The following SLAMF6 variants were observed in gnomAD, a reference collection of about 807,000 sequenced individuals.
SLAMF6 encodes SLAM family member 6, also known as NK-T-B-antigen.
SLAMF6 carries 21 observed loss-of-function variants against 38.3 expected under a neutral mutation model. That is an observed-to-expected ratio of 0.55 (90% CI 0.39 to 0.79). SLAMF6 has a LOEUF of 0.79. SLAMF6 is among the 30% of genes least tolerant of loss of function. The pLI is 0.00. For synonymous variants in SLAMF6, 152 were observed against 146.3 expected, an observed-to-expected ratio of 1.04 and a Z score of -0.28; for missense variants, 341 against 385.3, an observed-to-expected ratio of 0.89 and a Z score of 0.96.
intron 4 of SLAMF6, 104 bp downstream of exon 4, chr1:160,490,471 T>C: frequency 1.3e-6 from 2 of 1,487,188 alleles, no homozygotes; most frequent in Non-Finnish European, 1.8e-6. Context: ...GCAGCCTCCC[T>C]CCCTCCTCCT....
intron 5 of SLAMF6, among the ~76,000 whole-genome samples, chr1:160,489,897 G>C (rs549453801): frequency 3.9e-5 from 6 of 152,242 alleles, no homozygotes; most frequent in African/African-American, 1.4e-4. Context: ...CCTGTGCCCT[G>C]GACTTGCTGG....
intron 2 of SLAMF6, 58 bp from the exon 3 acceptor site, chr1:160,491,446 T>C (rs971439083): frequency 1.9e-6 from 3 of 1,565,198 alleles, no homozygotes; most frequent in African/African-American, 2.7e-5. Flanking sequence ...CTCAACCCCC[T>C]GTGAAAAATA....
intron 1 of SLAMF6, among the ~76,000 whole-genome samples, chr1:160,503,532 A>G (rs1168960424): frequency 6.6e-6 from 1 of 152,166 alleles, no homozygotes; most frequent in Non-Finnish European, 1.5e-5. Flanking sequence ...AATATTAGCA[A>G]TAGGCATAGT....
In SLAMF6 at chr1:160,491,398, G is replaced by GAA. The variant is rs368196600; in HGVS notation, c.383-12_383-11dup. 13 of 1,464,190 alleles carry GAA rather than the reference G, an allele frequency of 8.9e-6. No homozygotes were observed. Among genetic ancestry groups the GAA allele is most frequent in the Admixed American group, 4.1e-5 (2 of 49,342 alleles). The allele number at this position is 1,464,190 out of a possible 1,614,324, so 90.7% of individuals were successfully genotyped here. ...ATGTTCCTCAGTTGTCCTGTTTGCA[G>GAA]AAAAAAAAAAGATCCAGATTAAGGA... is the stretch of plus-strand genomic sequence containing the variant. On this transcript the variant is annotated splice_polypyrimidine_tract_variant and intron_variant, in intron 2 of 7. Transcript: ENST00000368057.
chr1:160,500,353 C>A (rs1653817852), intron 1 of SLAMF6, among the ~76,000 whole-genome samples: 3 of 152,218 alleles, frequency 2.0e-5, no homozygotes, highest in Admixed American at 6.5e-5. Flanking sequence ...CCCTTGTTCA[C>A]TTTGCTCCAG....
chr1:160,510,514 G>GA (rs887332429), intron 1 of SLAMF6, among the ~76,000 whole-genome samples: 3 of 152,048 alleles, frequency 2.0e-5, no homozygotes, highest in East Asian at 1.9e-4. Context: ...AGTTGATGCA[G>GA]AAAAAACATT....
At chr1:160,512,476 C>T (rs575151698) in intron 1 of SLAMF6, among the ~76,000 whole-genome samples, 1 of 152,308 alleles carries the variant, frequency 6.6e-6, no homozygotes, top group South Asian at 2.1e-4. Flanking sequence ...GGATCCCCCC[C>T]ACCACAGCAC....
chr1:160,490,551 C>A, intron 4 of SLAMF6, 24 bp downstream of exon 4: 2 of 1,607,472 alleles, frequency 1.2e-6, no homozygotes, highest in South Asian at 1.1e-5. Flanking sequence ...GGAGAAGAGA[C>A]AAGTAGGAAG....
At chr1:160,508,431 G>A (rs1053952720) in intron 1 of SLAMF6, among the ~76,000 whole-genome samples, 2 of 152,144 alleles carry the variant, frequency 1.3e-5, no homozygotes, top group African/African-American at 2.4e-5. Flanking sequence ...TTTAATAAAT[G>A]GTGCTGGGAA....
At chr1:160,513,983 T>C (rs993271683) in intron 1 of SLAMF6, among the ~76,000 whole-genome samples, 5 of 152,052 alleles carry the variant, frequency 3.3e-5, no homozygotes, top group African/African-American at 4.8e-5. Flanking sequence ...AACTAGCTAG[T>C]ATCATGATGA....
chr1:160,498,452 G>A (rs1189467293), intron 1 of SLAMF6, among the ~76,000 whole-genome samples: 1 of 152,172 alleles, frequency 6.6e-6, no homozygotes, highest in Non-Finnish European at 1.5e-5. Flanking sequence ...CACAAGCATG[G>A]TGGAAGGTGA....
chr1:160,491,536 G>A, intron 2 of SLAMF6, 148 bp from the exon 3 acceptor site: 1 of 1,156,978 alleles, frequency 8.6e-7, no homozygotes, highest in African/African-American at 1.6e-5. Flanking sequence ...TGCTTATATT[G>A]CCTAATTGAT....
intron 1 of SLAMF6, among the ~76,000 whole-genome samples, chr1:160,506,223 T>A (rs1247172497): frequency 1.3e-5 from 2 of 151,990 alleles, no homozygotes; most frequent in African/African-American, 4.8e-5. Context: ...CATATTATAA[T>A]CAAACCAGAA....
At chr1:160,502,972 A>G (rs1259373047) in intron 1 of SLAMF6, among the ~76,000 whole-genome samples, 2 of 152,162 alleles carry the variant, frequency 1.3e-5, no homozygotes, top group African/African-American at 4.8e-5. Flanking sequence ...CAGCTGGGAG[A>G]AAAAGAAAAA....
intron 1 of SLAMF6, among the ~76,000 whole-genome samples, chr1:160,515,433 G>C (rs1158875480): frequency 6.6e-6 from 1 of 152,190 alleles, no homozygotes; most frequent in East Asian, 1.9e-4. Flanking sequence ...GAGGTACAAA[G>C]AGGACCTGGC....
At chr1:160,521,495 T>G (rs1468034748) in intron 1 of SLAMF6, among the ~76,000 whole-genome samples, 2 of 152,252 alleles carry the variant, frequency 1.3e-5, no homozygotes, top group Middle Eastern at 3.4e-3. Flanking sequence ...GTGGTAAAAA[T>G]GAAGCAAAAA....
In SLAMF6 at chr1:160,490,603, C is replaced by T; in HGVS notation, c.729G>A (p.Leu243=). 6.2e-7 allele frequency: 1 copy of T among 1,613,826 alleles called. No individual in the cohort carries two copies. The highest frequency in any genetic ancestry group is 1.3e-5 in the African/African-American group (1 of 75,000). Residue 243 remains leucine (L), a synonymous_variant, in exon 4 of 8, where the codon CTG becomes CTA. Transcript: ENST00000368057. ...GICIVFGFII[L]LLLVLRKRRD... ...TTCTTTTCCTCAAAACAAGTAACAG[C>T]AGTATGATGAAACCGAAGACTATGC... is the stretch of plus-strand genomic sequence containing the variant.
chr1:160,512,934 C>T (rs1654563713), intron 1 of SLAMF6, among the ~76,000 whole-genome samples: 1 of 152,262 alleles, frequency 6.6e-6, no homozygotes, highest in South Asian at 2.1e-4. Context: ...GCTGAAAACT[C>T]AAAAAGCCAG....
At chr1:160,503,022 A>G (rs1229915300) in intron 1 of SLAMF6, among the ~76,000 whole-genome samples, 1 of 152,182 alleles carries the variant, frequency 6.6e-6, no homozygotes, top group Non-Finnish European at 1.5e-5. Context: ...AAACGGTGTC[A>G]TTTCTGAGGA....
Sources: gnomAD v4.1 joint callset for allele counts (sites outside exome capture counted in the v4.1 genomes callset) on GRCh38, gnomAD v4.1.1 for gene constraint, MANE v1.5 for transcripts, NCBI Gene and HGNC (gene_info 2026-07-23, HGNC 2026-07-21) for gene names.